EP400: variants seen among roughly 807,000 people sequenced by gnomAD.
EP400 encodes the protein E1A binding protein p400.
In EP400, 105 loss-of-function variants were observed where a neutral mutation model predicts 354.1. The ratio of observed to expected loss-of-function variants is 0.30; its 90% confidence interval spans 0.25 to 0.35. The LOEUF is 0.35. Ranked by LOEUF, EP400 falls within the 10% of genes least tolerant of loss-of-function variation. The pLI is 1.00. For synonymous variants in EP400, 1,646 were observed against 1,716.9 expected, an observed-to-expected ratio of 0.96 and a Z score of 1.02; for missense variants, 3,280 against 4,121.0, an observed-to-expected ratio of 0.80 and a Z score of 5.59.
At chr12:131,962,077 G>A in intron 2 of EP400, 123 bp downstream of exon 2, 1 of 1,307,406 alleles carries the variant, frequency 7.6e-7, no homozygotes, top group Admixed American at 2.7e-5. Flanking sequence ...AAGGTGTTGG[G>A]GCAAGGATTT....
At chr12:132,008,727 C>T (rs1893667144) in intron 15 of EP400, among the ~76,000 whole-genome samples, 1 of 150,864 alleles carries the variant, frequency 6.6e-6, no homozygotes, top group Non-Finnish European at 1.5e-5. Context: ...AGGCGATCCT[C>T]CTGCCTCAGC....
At chr12:132,023,618 A>G (rs1410248198) in intron 23 of EP400, among the ~76,000 whole-genome samples, 159 bp from the exon 24 acceptor site, 5 of 152,146 alleles carry the variant, frequency 3.3e-5, no homozygotes, top group Admixed American at 6.5e-5. Flanking sequence ...TAAAATAATT[A>G]TTTTTAAGAA....
chr12:131,972,221 C>T (rs894988279), intron 2 of EP400, among the ~76,000 whole-genome samples: 1 of 151,542 alleles, frequency 6.6e-6, no homozygotes, highest in Admixed American at 6.6e-5. Context: ...GGCGCGATCT[C>T]GGTTCACCGC....
chr12:132,057,433 C>T (rs935856682), intron 45 of EP400, among the ~76,000 whole-genome samples: 5 of 152,148 alleles, frequency 3.3e-5, no homozygotes, highest in African/African-American at 7.2e-5. Context: ...TGTATGACTC[C>T]GTTTCAATAA....
chr12:132,032,045 G>A lies in EP400; in HGVS notation c.5847G>A (p.Ala1949=), dbSNP rs750349521. 17 of 1,614,034 alleles carry A rather than the reference G, an allele frequency of 1.1e-5. No homozygotes were observed. Among genetic ancestry groups the A allele is most frequent in the South Asian group, 8.8e-5 (8 of 91,082 alleles). ...SRTTGINLVE[A]DTVVFYDNDL... ...CCACAGGTATAAACCTTGTAGAGGCGGACACCGTCGTGTTTTATGACAATG... is the reference window on the plus strand; with the variant it reads ...CCACAGGTATAAACCTTGTAGAGGCAGACACCGTCGTGTTTTATGACAATG... The change falls in exon 30 of 53, where the codon GCG becomes GCA. Residue 1949 remains alanine, a synonymous_variant. Coordinates refer to ENST00000389561, the MANE Select transcript of EP400 (RefSeq NM_015409.5).
intron 12 of EP400, among the ~76,000 whole-genome samples, chr12:131,999,960 G>T (rs191286034): frequency 6.8e-6 from 1 of 146,488 alleles, no homozygotes; most frequent in African/African-American, 2.5e-5. Flanking sequence ...TGATAGTCTT[G>T]TCAAAAGTTT....
chr12:131,954,094 CTGAG>C (rs1167615001), intron 1 of EP400, among the ~76,000 whole-genome samples: 1 of 152,030 alleles, frequency 6.6e-6, no homozygotes, highest in Non-Finnish European at 1.5e-5. Flanking sequence ...GTTTAGGTGA[CTGAG>C]TGAGACTCTG....
At chr12:132,003,275 C>A (rs1001504546) in intron 12 of EP400, among the ~76,000 whole-genome samples, 1 of 151,390 alleles carries the variant, frequency 6.6e-6, no homozygotes, top group South Asian at 2.1e-4. Flanking sequence ...AAAAAAGATA[C>A]CAAAAAAATG....
chr12:131,966,649 A>G lies in EP400; in HGVS notation c.1335+4695A>G, dbSNP rs572999330. On this transcript the variant is annotated intron_variant, in intron 2 of 52. Coordinates refer to ENST00000389561, the MANE Select transcript of EP400 (RefSeq NM_015409.5). ...CCGGGCGTGGTAGCTCATGCCTGTA[A>G]TCCCAGCACTTTCGGAGGCTGAGGC... 2.0e-5 allele frequency among the ~76,000 whole-genome samples: 3 copies of G among 151,064 alleles called. No homozygotes were observed. In the East Asian group the frequency reaches 5.9e-4, roughly 30 times the overall value.
intron 48 of EP400, chr12:132,065,353 T>C (rs1895855440): frequency 6.1e-6 from 1 of 163,570 alleles, no homozygotes; most frequent in Non-Finnish European, 1.3e-5. Flanking sequence ...AAGTGCTGTC[T>C]GGGAAGACTG....
chr12:132,057,434 G>A (rs140878791), intron 45 of EP400, among the ~76,000 whole-genome samples: 201 of 152,334 alleles, frequency 1.3e-3, no homozygotes, highest in African/African-American at 4.6e-3. Flanking sequence ...GTATGACTCC[G>A]TTTCAATAAC....
At position 132,018,736 on chromosome 12, in the gene EP400, T is replaced by A. The variant is rs1593350606; in HGVS notation, c.4277+360T>A. ...CAGGCAGAGGACTCCACCCCCACGG[T>A]GATGTCATTGTCTTAACAAGTGACA... is the stretch of plus-strand genomic sequence containing the variant. On this transcript the variant is annotated intron_variant, in intron 21 of 52. Transcript: ENST00000389561. This position sits in a 1 kb window ranked among gnomAD's most constrained non-coding sequence, Gnocchi z 4.0. 6.6e-6 allele frequency among the ~76,000 whole-genome samples: 1 copy of A among 152,164 alleles called. No individual in the cohort carries two copies. Among genetic ancestry groups the A allele is most frequent in the Non-Finnish European group, 1.5e-5 (1 of 68,022 alleles).
Position 132,006,783 on chromosome 12 carries a change from C to T in EP400, c.3210C>T (p.Tyr1070=), listed in dbSNP as rs1326338402. ...GCCTGGACTGGCTGGCCAAACTTTA[C>T]AGGAAGAATCTCAATGGCATATTGG... is the stretch of plus-strand genomic sequence containing the variant. ...KIGLDWLAKL[Y]RKNLNGILAD... is the part of the protein sequence containing the mutation. The change falls in exon 15 of 53, where the codon TAC becomes TAT. Residue 1070 remains tyrosine (Y), a synonymous_variant. Coordinates refer to ENST00000389561, the MANE Select transcript of EP400 (RefSeq NM_015409.5). 14 of 1,614,020 alleles carry T rather than the reference C, an allele frequency of 8.7e-6. No individual in the cohort carries two copies. The East Asian group carries it at 8.9e-5, about 10-fold the overall frequency.
intron 32 of EP400, among the ~76,000 whole-genome samples, chr12:132,042,817 A>G (rs1894958396): frequency 6.6e-6 from 1 of 152,214 alleles, no homozygotes; most frequent in African/African-American, 2.4e-5. Flanking sequence ...GTATGTTCAT[A>G]GTCATCCATG....
At chr12:132,014,131 G>A (rs992336363) in intron 19 of EP400, among the ~76,000 whole-genome samples, 1 of 152,218 alleles carries the variant, frequency 6.6e-6, no homozygotes, top group African/African-American at 2.4e-5. Context: ...CGTCTCAGAA[G>A]CCCCACTCCT....
Position 131,990,256 on chromosome 12 carries a change from G to C in EP400, c.2550+152G>C. The C allele has an allele frequency of 1.1e-6, 1 of 929,036 alleles. No individual in the cohort carries two copies. The highest frequency in any genetic ancestry group is 1.6e-6 in the Non-Finnish European group (1 of 624,528). The allele number at this position is 929,036 out of a possible 1,614,324, so 57.5% of individuals were successfully genotyped here. ...CACTCTCCTGGGCTGTTGCTTGTTG[G>C]CCTTTGAATGAGCTGCTCGTGCCTC... On this transcript the variant is annotated intron_variant, in intron 8 of 52. Coordinates refer to ENST00000389561, the MANE Select transcript of EP400 (RefSeq NM_015409.5). This position sits in a 1 kb window ranked among gnomAD's most constrained non-coding sequence, Gnocchi z 4.2.
At position 132,028,002 on chromosome 12, in the gene EP400, C is replaced by T; in HGVS notation, c.5110-15C>T. Reference sequence around the variant, plus strand: ...TGTTTCTCAAGTAACTGTTTTTCATCACTTTTTGATAAAGGAGGAAAAGAC... The same window carrying T: ...TGTTTCTCAAGTAACTGTTTTTCATTACTTTTTGATAAAGGAGGAAAAGAC... On this transcript the variant is annotated splice_polypyrimidine_tract_variant and intron_variant, in intron 26 of 52. Coordinates refer to ENST00000389561, the MANE Select transcript of EP400 (RefSeq NM_015409.5). The T allele has an allele frequency of 1.2e-6, 2 of 1,604,574 alleles. No homozygotes were observed. The highest frequency in any genetic ancestry group is 1.7e-5 in the Admixed American group (1 of 59,484).
intron 45 of EP400, among the ~76,000 whole-genome samples, chr12:132,057,146 G>A (rs1032115779): frequency 1.3e-5 from 2 of 152,194 alleles, no homozygotes; most frequent in Admixed American, 6.5e-5. Context: ...ATGCAGCTTC[G>A]CAGTTCTGCT....
chr12:132,007,790 A>C (rs1893632876), intron 15 of EP400, among the ~76,000 whole-genome samples: 1 of 152,136 alleles, frequency 6.6e-6, no homozygotes, highest in African/African-American at 2.4e-5. Flanking sequence ...GACACGTTTA[A>C]ATTAGGAGGG....
Sources: gnomAD v4.1 joint callset for allele counts (sites outside exome capture counted in the v4.1 genomes callset) on GRCh38, gnomAD v4.1.1 for gene constraint, Gnocchi (gnomAD v3.1) non-coding constraint, MANE v1.5 for transcripts, NCBI Gene and HGNC (gene_info 2026-07-23, HGNC 2026-07-21) for gene names.